NDUFAF7: variants seen among roughly 807,000 people sequenced by gnomAD.
NDUFAF7 encodes protein arginine methyltransferase NDUFAF7, mitochondrial.
Under a neutral mutation model 47.2 loss-of-function variants are expected in NDUFAF7, and 48 were observed. The observed-to-expected ratio is 1.02, with a 90% CI of 0.81 to 1.29. The LOEUF (loss-of-function observed/expected upper bound fraction) is 1.29, where lower values mean the gene tolerates loss of function less well. Ranked by LOEUF, NDUFAF7 falls within the 50% of genes most tolerant of loss-of-function variation. The pLI, the probability that NDUFAF7 is intolerant of heterozygous loss-of-function variation, is 0.00. For synonymous variants in NDUFAF7, 217 were observed against 190.0 expected, an observed-to-expected ratio of 1.14 and a Z score of -1.17; for missense variants, 635 against 537.6, an observed-to-expected ratio of 1.18 and a Z score of -1.79.
At position 37,248,522 on chromosome 2, in the gene NDUFAF7, G is replaced by A. The variant is rs1667164265; in HGVS notation, c.*172G>A. On this transcript the variant is annotated 3_prime_UTR_variant, in exon 10 of 10. Coordinates refer to ENST00000002125, the MANE Select transcript of NDUFAF7 (RefSeq NM_144736.5). ...TTATAGAACTTTTAGGGTTGTGACTGGCTTTGGTGCAAATGTGTGCTCAAG... is the reference window on the plus strand; with the variant it reads ...TTATAGAACTTTTAGGGTTGTGACTAGCTTTGGTGCAAATGTGTGCTCAAG... 1 of 693,488 alleles carries A rather than the reference G, an allele frequency of 1.4e-6. No individual in the cohort carries two copies. 43.0% of individuals were successfully genotyped at this position (693,488 alleles called of 1,614,324 possible).
intron 4 of NDUFAF7, among the ~76,000 whole-genome samples, chr2:37,239,567 G>A (rs970609432): frequency 2.0e-5 from 3 of 152,178 alleles, no homozygotes; most frequent in Non-Finnish European, 4.4e-5. Flanking sequence ...GAAGATAGCA[G>A]CATTGTATAA....
chr2:37,242,492 G>C (rs1666457978), intron 5 of NDUFAF7, 143 bp from the exon 6 acceptor site: 1 of 666,904 alleles, frequency 1.5e-6, no homozygotes, highest in Non-Finnish European at 2.7e-6. Context: ...ATGTTCTGCA[G>C]TGTAAGTTTT....
At chr2:37,259,499 A>C in the NDUFAF7 span, 1 of 997,650 alleles carries the variant, frequency 1.0e-6, no homozygotes. Context: ...TTTAACCAAC[A>C]GTACTTAGTA....
the NDUFAF7 span, among the ~76,000 whole-genome samples, chr2:37,261,769 A>G: frequency 6.6e-6 from 1 of 152,236 alleles, no homozygotes; most frequent in Non-Finnish European, 1.5e-5. Context: ...AACAAGAGCA[A>G]AACTCTATCT....
chr2:37,249,864 G>A (rs776732520), downstream of NDUFAF7, among the ~76,000 whole-genome samples: 1 of 151,882 alleles, frequency 6.6e-6, no homozygotes, highest in African/African-American at 2.4e-5. Context: ...TTGAATTTAC[G>A]GCTTAACTGT....
At chr2:37,258,493 C>G in the NDUFAF7 span, among the ~76,000 whole-genome samples, 1 of 152,196 alleles carries the variant, frequency 6.6e-6, no homozygotes, top group Non-Finnish European at 1.5e-5. Flanking sequence ...AAGTAAATCA[C>G]ATTATTTTCC....
At chr2:37,251,769 T>C (rs1160917638), downstream of NDUFAF7, 1 of 152,086 alleles carries the variant, frequency 6.6e-6, no homozygotes, top group African/African-American at 2.4e-5. Context: ...TTTTACAGAC[T>C]GAGGAACTGC....
At position 37,236,102 on chromosome 2, in the gene NDUFAF7, T is replaced by C. The variant is rs775734714; in HGVS notation, c.223T>C (p.Tyr75His). ...EVLTNPAKGY[Y>H]VYRDMLGEKG... Reference sequence around the variant, plus strand: ...ATTTTCTCTTTTTACTCAGGGTTATTATGTGTACCGTGACATGCTAGGCGA... The same window carrying C: ...ATTTTCTCTTTTTACTCAGGGTTATCATGTGTACCGTGACATGCTAGGCGA... Residue 75 changes from tyrosine (Y) to histidine (H), a missense_variant, in exon 3 of 10, where the codon TAT (tyrosine) becomes CAT (histidine). Physicochemically the swap from Tyr to His is moderately conservative, Grantham distance 83. Coordinates refer to ENST00000002125, the MANE Select transcript of NDUFAF7 (RefSeq NM_144736.5). 66 of 1,612,336 alleles carry C rather than the reference T, an allele frequency of 4.1e-5. No homozygotes were observed. The highest frequency in any genetic ancestry group is 5.3e-5 in the Non-Finnish European group (63 of 1,178,550).
At chr2:37,271,361 A>G in the NDUFAF7 span, among the ~76,000 whole-genome samples, 1 of 152,208 alleles carries the variant, frequency 6.6e-6, no homozygotes, top group East Asian at 1.9e-4. Context: ...ATTCTGTGAC[A>G]TGTAAATATT....
At chr2:37,232,778 G>C (rs962603662) in intron 2 of NDUFAF7, among the ~76,000 whole-genome samples, 1 of 152,240 alleles carries the variant, frequency 6.6e-6, no homozygotes, top group African/African-American at 2.4e-5. Context: ...TGAGAATGCA[G>C]TCTGGGTCGT....
At chr2:37,260,575 T>C in the NDUFAF7 span, among the ~76,000 whole-genome samples, 1 of 152,118 alleles carries the variant, frequency 6.6e-6, no homozygotes, top group Non-Finnish European at 1.5e-5. Flanking sequence ...TACTGGAGAG[T>C]AGCCGCACTG....
chr2:37,248,370 TA>T lies in NDUFAF7; in HGVS notation c.*21del. 6.3e-7 allele frequency: 1 copy of T among 1,598,960 alleles called. No individual in the cohort carries two copies. The highest frequency in any genetic ancestry group is 8.6e-7 in the Non-Finnish European group (1 of 1,166,284). On this transcript the variant is annotated 3_prime_UTR_variant, in exon 10 of 10. Coordinates refer to ENST00000002125, the MANE Select transcript of NDUFAF7 (RefSeq NM_144736.5). ...CAGTGATATTTCAGCTTGGACATTTTACCCTTCAGTCGGCCCAAGAAATCAA... is the reference window on the plus strand; with the variant it reads ...CAGTGATATTTCAGCTTGGACATTTTCCCTTCAGTCGGCCCAAGAAATCAA...
the NDUFAF7 span, chr2:37,267,348 A>T: frequency 6.2e-6 from 4 of 646,252 alleles, no homozygotes; most frequent in Admixed American, 8.1e-5. Context: ...TGCCTTCTTA[A>T]AAAAAAAAAA....
At chr2:37,270,639 T>A in the NDUFAF7 span, among the ~76,000 whole-genome samples, 35 of 152,180 alleles carry the variant, frequency 2.3e-4, 1 homozygote, top group African/African-American at 8.4e-4. Flanking sequence ...AGACCCACAC[T>A]TATAAAGACA....
At position 37,248,306 on chromosome 2, in the gene NDUFAF7, T is replaced by C; in HGVS notation, c.1282T>C (p.Phe428Leu). Residue 428 changes from phenylalanine to leucine, a missense_variant, in exon 10 of 10, where the codon TTT (phenylalanine) becomes CTT (leucine). Coordinates refer to ENST00000002125, the MANE Select transcript of NDUFAF7 (RefSeq NM_144736.5). ...YQRNARQSKP[F>L]ASVVAGFSEL... ...GAGGAATGCACGTCAGTCAAAACCC[T>C]TTGCATCCGTTGTAGCTGGGTTTAG... The C allele has an allele frequency of 6.2e-7, 1 of 1,614,168 alleles. No homozygotes were observed. Among genetic ancestry groups the C allele is most frequent in the Admixed American group, 1.7e-5 (1 of 60,026 alleles).
intron 7 of NDUFAF7, among the ~76,000 whole-genome samples, chr2:37,245,684 G>C (rs1666827001): frequency 1.6e-4 from 1 of 6,420 alleles, no homozygotes; most frequent in Non-Finnish European, 2.0e-4. Context: ...GTTCTAGGCA[G>C]ACAAAAAAAA....
rs1666355622 is a variant in NDUFAF7, at chr2:37,241,729, A to G, written c.560A>G (p.Lys187Arg). ...AATGCTGGATCCCCAGTGTATATGA[A>G]AGGTGTCACTAAGTCTGGGATTCCA... ...ERNAGSPVYM[K>R]GVTKSGIPIS... Residue 187 changes from lysine to arginine, a missense_variant, in exon 5 of 10, where the codon AAA becomes AGA. Physicochemically the swap from Lys to Arg is conservative, Grantham distance 26. Coordinates refer to ENST00000002125, the MANE Select transcript of NDUFAF7 (RefSeq NM_144736.5). 1.2e-6 allele frequency: 2 copies of G among 1,613,890 alleles called. No individual in the cohort carries two copies. The highest frequency in any genetic ancestry group is 1.7e-6 in the Non-Finnish European group (2 of 1,179,894).
chr2:37,267,524 T>C, the NDUFAF7 span: 1 of 1,604,034 alleles, frequency 6.2e-7, no homozygotes, highest in South Asian at 1.1e-5. Flanking sequence ...CCTCCCAGTC[T>C]TTCTATGTTT....
downstream of NDUFAF7, among the ~76,000 whole-genome samples, chr2:37,257,250 A>G (rs1668024715): frequency 6.6e-6 from 1 of 152,056 alleles, no homozygotes; most frequent in Non-Finnish European, 1.5e-5. Context: ...GCTTTCTATC[A>G]TTTGTCTTGT....
Sources: gnomAD v4.1 joint callset for allele counts (sites outside exome capture counted in the v4.1 genomes callset) on GRCh38, gnomAD v4.1.1 for gene constraint, MANE v1.5 for transcripts, NCBI Gene and HGNC (gene_info 2026-07-23, HGNC 2026-07-21) for gene names.